BZW2: variants seen among roughly 807,000 people sequenced by gnomAD.
BZW2 encodes eIF5-mimic protein 1.
In BZW2, 23 loss-of-function variants were observed where a neutral mutation model predicts 53.2. The ratio of observed to expected loss-of-function variants is 0.43; its 90% CI spans 0.31 to 0.61. The LOEUF is 0.61. Ranked by LOEUF, BZW2 falls within the 20% of genes least tolerant of loss-of-function variation. The pLI is 0.09. For synonymous variants in BZW2, 227 were observed against 186.4 expected, an observed-to-expected ratio of 1.22 and a Z score of -1.77; for missense variants, 409 against 503.1, an observed-to-expected ratio of 0.81 and a Z score of 1.79.
In BZW2 at chr7:16,697,063, T is replaced by TAACA. The variant is rs765959413; in HGVS notation, c.969+3_969+6dup. The TAACA allele has an allele frequency of 8.7e-6, 14 of 1,613,522 alleles. No homozygotes were observed. In the South Asian group the frequency reaches 1.5e-4, roughly 18 times the overall value. On this transcript the variant is annotated splice_region_variant and intron_variant, in intron 9 of 11. Transcript: ENST00000258761. ...GAGCAGGCTCTGAAGCACCTGAAGGTAACAGCCCTTAGCAAGGAACTGACC... is the reference window on the plus strand; with the variant it reads ...GAGCAGGCTCTGAAGCACCTGAAGGTAACAAACAGCCCTTAGCAAGGAACTGACC...
intron 1 of BZW2, among the ~76,000 whole-genome samples, chr7:16,656,597 A>AC (rs1782132212): frequency 1.4e-4 from 20 of 140,054 alleles, no homozygotes; most frequent in African/African-American, 3.9e-4. Context: ...ACACACACAC[A>AC]AGTAGGTTTA....
In BZW2 at chr7:16,674,552, A is replaced by T. The variant is rs139763605; in HGVS notation, c.199A>T (p.Thr67Ser). ...ATTAGATTATCGTCGCTATGCAGAC[A>T]CACTCTTCGATATCCTGGTGGCTGG... is the stretch of plus-strand genomic sequence containing the variant. ...SRLDYRRYAD[T>S]LFDILVAGSM... Residue 67 changes from threonine to serine, a missense_variant, in exon 3 of 12, where the codon ACA (threonine) becomes TCA (serine). Transcript: ENST00000258761. The T allele has an allele frequency of 6.2e-7, 1 of 1,609,132 alleles. No individual in the cohort carries two copies. Among genetic ancestry groups the T allele is most frequent in the African/African-American group, 1.3e-5 (1 of 74,974 alleles).
At chr7:16,664,101 T>C (rs190949258) in intron 1 of BZW2, among the ~76,000 whole-genome samples, 2 of 152,346 alleles carry the variant, frequency 1.3e-5, no homozygotes, top group Admixed American at 1.3e-4. Flanking sequence ...TTTTTTCCAC[T>C]ATCAATATCC....
chr7:16,664,063 G>A (rs1315875273), intron 1 of BZW2, among the ~76,000 whole-genome samples: 1 of 152,120 alleles, frequency 6.6e-6, no homozygotes, highest in East Asian at 1.9e-4. Context: ...TTTTAACCAA[G>A]TACTTTACAT....
chr7:16,666,226 CTG>C (rs1156441031), intron 2 of BZW2, among the ~76,000 whole-genome samples: 16 of 151,882 alleles, frequency 1.1e-4, no homozygotes, highest in African/African-American at 3.6e-4. Context: ...TCCCAAGTAG[CTG>C]GGACTATAGG....
intron 2 of BZW2, 100 bp from the exon 3 acceptor site, chr7:16,674,312 T>TA (rs1292166054): frequency 1.1e-6 from 1 of 943,304 alleles, no homozygotes; most frequent in Non-Finnish European, 1.5e-6. Flanking sequence ...CTGTGGATTT[T>TA]TTTTTCCTAT....
At chr7:16,700,560 A>G (rs1783634418) in intron 10 of BZW2, among the ~76,000 whole-genome samples, 1 of 152,180 alleles carries the variant, frequency 6.6e-6, no homozygotes. Context: ...GCTCCCCCAG[A>G]GATTCTGATT....
intron 10 of BZW2, among the ~76,000 whole-genome samples, chr7:16,704,102 C>T (rs551993288): frequency 6.4e-4 from 97 of 152,108 alleles, no homozygotes; most frequent in African/African-American, 1.8e-3. Context: ...TCATTTTTCT[C>T]CTAAAAAAAG....
chr7:16,704,927 T>G (rs961346579), intron 11 of BZW2, among the ~76,000 whole-genome samples: 1 of 152,228 alleles, frequency 6.6e-6, no homozygotes, highest in African/African-American at 2.4e-5. Flanking sequence ...AAGAAATGAT[T>G]AGTAGATGTG....
chr7:16,704,662 A>C lies in BZW2; in HGVS notation c.1224A>C (p.Ala408=). The change falls in exon 11 of 12, where the codon GCA becomes GCC. Residue 408 remains alanine, a synonymous_variant. Transcript: ENST00000258761. The part of the protein sequence containing the change: ...MKKFVEWLQN[A]EEESESEGEE... ...AATTTGTTGAGTGGTTACAAAATGC[A>C]GAAGAAGGTATGATTCTGTTTACAA... is the stretch of plus-strand genomic sequence containing the variant. 1 of 1,581,142 alleles carries C rather than the reference A, an allele frequency of 6.3e-7. No individual in the cohort carries two copies. Among genetic ancestry groups the C allele is most frequent in the South Asian group, 1.1e-5 (1 of 87,662 alleles).
At chr7:16,705,972 C>A (rs1459624712) in intron 11 of BZW2, 88 bp from the exon 12 acceptor site, 3 of 1,455,030 alleles carry the variant, frequency 2.1e-6, no homozygotes, top group East Asian at 4.6e-5. Flanking sequence ...GGTGCAATGG[C>A]AGGGTTCTGG....
At position 16,694,859 on chromosome 7, in the gene BZW2, G is replaced by C; in HGVS notation, c.677G>C (p.Ser226Thr). Residue 226 changes from serine (S) to threonine (T), a missense_variant, in exon 8 of 12, where the codon AGT becomes ACT. Physicochemically the swap from Ser to Thr is moderately conservative, Grantham distance 58. Around this residue, in one of 3 missense-constraint regions of BZW2, gnomAD observed 316 missense variants for 366.8 expected, o/e 0.86. Transcript: ENST00000258761. ...GAACTCTTTCCAGTTAACAGACAGA[G>C]TGTGGATCATTTTGCTAAATACTTC... The part of the protein sequence containing the change: ...LLELFPVNRQ[S>T]VDHFAKYFTD... The C allele has an allele frequency of 6.5e-7, 1 of 1,547,384 alleles. No homozygotes were observed. The highest frequency in any genetic ancestry group is 8.8e-7 in the Non-Finnish European group (1 of 1,130,460).
At chr7:16,682,510 A>C (rs1782981100) in intron 4 of BZW2, among the ~76,000 whole-genome samples, 1 of 152,188 alleles carries the variant, frequency 6.6e-6, no homozygotes, top group South Asian at 2.1e-4. Flanking sequence ...TTTAAAAATC[A>C]CATTTATTTT....
chr7:16,682,805 A>G lies in BZW2; in HGVS notation c.365A>G (p.Tyr122Cys), dbSNP rs1324937906. The change falls in exon 5 of 12, where the codon TAT becomes TGT. Residue 122 changes from tyrosine (Y) to cysteine (C), a missense_variant. Around this residue, in one of 3 missense-constraint regions of BZW2, gnomAD observed 316 missense variants for 366.8 expected, o/e 0.86. Transcript: ENST00000258761. ...AQVFNKLIRR[Y>C]KYLEKAFEDE... ...GTCTTCAATAAACTCATCAGGAGATATAAGTATTTGGAGAAGGCATTTGAA... is the reference window on the plus strand; with the variant it reads ...GTCTTCAATAAACTCATCAGGAGATGTAAGTATTTGGAGAAGGCATTTGAA... 1 of 1,582,712 alleles carries G rather than the reference A, an allele frequency of 6.3e-7. No homozygotes were observed. The highest frequency in any genetic ancestry group is 8.6e-7 in the Non-Finnish European group (1 of 1,160,174).
chr7:16,691,058 T>C (rs1444283320), intron 7 of BZW2, among the ~76,000 whole-genome samples: 1 of 152,236 alleles, frequency 6.6e-6, no homozygotes, highest in Non-Finnish European at 1.5e-5. Flanking sequence ...ATGTAAATAC[T>C]TGCAATTTAA....
chr7:16,705,934 T>C, intron 11 of BZW2, 126 bp from the exon 12 acceptor site: 1 of 1,029,188 alleles, frequency 9.7e-7, no homozygotes, highest in South Asian at 1.5e-5. Flanking sequence ...TTTTACCTTA[T>C]AATGGGTGCC....
At chr7:16,675,806 G>A (rs915172321) in intron 3 of BZW2, among the ~76,000 whole-genome samples, 14 of 152,254 alleles carry the variant, frequency 9.2e-5, no homozygotes, top group Non-Finnish European at 8.8e-5. Flanking sequence ...GCAGCCGGGC[G>A]TGGTGGCTCA....
chr7:16,660,561 A>T (rs191350204), intron 1 of BZW2, among the ~76,000 whole-genome samples: 1 of 152,024 alleles, frequency 6.6e-6, no homozygotes, highest in African/African-American at 2.4e-5. Context: ...TTATTTGAAA[A>T]ATATTAATTA....
chr7:16,689,695 C>T, intron 6 of BZW2, 102 bp from the exon 7 acceptor site: 1 of 890,704 alleles, frequency 1.1e-6, no homozygotes, highest in Non-Finnish European at 1.6e-6. Flanking sequence ...CAAAATTAGT[C>T]TTTTAGTTAT....
Sources: gnomAD v4.1 joint callset for allele counts (sites outside exome capture counted in the v4.1 genomes callset) on GRCh38, gnomAD v4.1.1 for gene constraint, gnomAD v4.1.1 regional missense constraint, MANE v1.5 for transcripts, NCBI Gene and HGNC (gene_info 2026-07-23, HGNC 2026-07-21) for gene names.